Variants in LUM observed in about 807,000 individuals in gnomAD.
The protein encoded by LUM is lumican, also known as KSPG lumican.
LUM carries 13 observed loss-of-function variants against 20.5 expected under a neutral mutation model. That is an observed-to-expected ratio of 0.63 (90% CI 0.41 to 1.01). LUM has a LOEUF of 1.01. LUM is among the 50% of genes least tolerant of loss of function. LUM has a pLI of 0.00. For missense variants in LUM, 321 were observed against 391.1 expected, an observed-to-expected ratio of 0.82 and a Z score of 1.51; for synonymous variants, 173 against 151.5, an observed-to-expected ratio of 1.14 and a Z score of -1.04.
rs538147075 is a variant in LUM at position 91,102,834 on chromosome 12, C to T, written c.*1331G>A. ...CAATGATGATCCTCTGATGAAAGGC[C>T]GCTGTACCATAAGATAGAGTTCACT... On this transcript the variant is annotated 3_prime_UTR_variant, in exon 3 of 3. Coordinates refer to ENST00000266718, the MANE Select transcript of LUM (RefSeq NM_002345.4). 2.0e-5 allele frequency: 3 copies of T among 152,092 alleles called. No individual in the cohort carries two copies. Among genetic ancestry groups the T allele is most frequent in the South Asian group, 2.1e-4 (1 of 4,818 alleles). The allele number at this position is 152,092 out of a possible 1,614,324, so 9.4% of individuals were successfully genotyped here.
At chr12:91,106,135 G>A (rs551937239) in intron 2 of LUM, among the ~76,000 whole-genome samples, 2 of 152,134 alleles carry the variant, frequency 1.3e-5, no homozygotes, top group Admixed American at 6.5e-5. Context: ...AAGAACATGT[G>A]GAGCTTCAGA....
intron 1 of LUM, among the ~76,000 whole-genome samples, chr12:91,109,933 T>C (rs1880165659): frequency 6.6e-6 from 1 of 152,176 alleles, no homozygotes; most frequent in Admixed American, 6.6e-5. Flanking sequence ...GTGTGATGTT[T>C]TTAAAGTTTG....
At chr12:91,109,519 G>A (rs1173816199) in intron 1 of LUM, among the ~76,000 whole-genome samples, 1 of 152,100 alleles carries the variant, frequency 6.6e-6, no homozygotes. Context: ...TCCTTTAAAA[G>A]TGTCTGGTTA....
rs757453748 is a variant in LUM at position 91,108,600 on chromosome 12, T to C, written c.380A>G (p.Asn127Ser). 1 of 1,612,932 alleles carries C rather than the reference T, an allele frequency of 6.2e-7. No individual in the cohort carries two copies. The highest frequency in any genetic ancestry group is 8.5e-7 in the Non-Finnish European group (1 of 1,179,458). Residue 127 changes from asparagine to serine, a missense_variant, in exon 2 of 3, where the codon AAC (asparagine) becomes AGC (serine). Physicochemically the swap from Asn to Ser is conservative, Grantham distance 46. Coordinates refer to ENST00000266718, the MANE Select transcript of LUM (RefSeq NM_002345.4). The surrounding 1 kb of genome is among the most constrained non-coding windows in gnomAD (Gnocchi z 4.2). ...QLKKLHINHNNLTESVGPLPK... is the reference protein window; with the variant it reads ...QLKKLHINHNSLTESVGPLPK... ...AAGTGGGCCCACAGACTCTGTCAGG[T>C]TGTTGTGGTTTATATGCAGCTTCTT...
rs1833120931 is a variant in LUM at position 91,104,291 on chromosome 12, G to A, written c.891C>T (p.Ile297=). ...EKFDIKSFCK[I]LGPLSYSKIK... The stretch of plus-strand genomic sequence containing the variant: ...TCTTGGAGTAGGATAATGGCCCCAG[G>A]ATCTTGCAGAAGCTCTTTATGTCAA... The change falls in exon 3 of 3, where the codon ATC becomes ATT. Residue 297 remains isoleucine, a synonymous_variant. Transcript: ENST00000266718. 1.2e-6 allele frequency: 2 copies of A among 1,612,090 alleles called. No homozygotes were observed. Among genetic ancestry groups the A allele is most frequent in the South Asian group, 1.1e-5 (1 of 90,638 alleles).
chr12:91,107,061 G>A (rs1323678930), intron 2 of LUM, among the ~76,000 whole-genome samples: 1 of 149,924 alleles, frequency 6.7e-6, no homozygotes. Flanking sequence ...TGGGAGAATC[G>A]CCTGAGCCTG....
chr12:91,102,764 C>T lies in LUM; in HGVS notation c.*1401G>A, dbSNP rs1432211324. On this transcript the variant is annotated 3_prime_UTR_variant, in exon 3 of 3. Coordinates refer to ENST00000266718, the MANE Select transcript of LUM (RefSeq NM_002345.4). Reference sequence around the variant, plus strand: ...ATGAAAATCAAAAATACACATTGTACCTAATGTAATATCCATCGCACATAT... The same window carrying T: ...ATGAAAATCAAAAATACACATTGTATCTAATGTAATATCCATCGCACATAT... 1 of 152,028 alleles carries T rather than the reference C, an allele frequency of 6.6e-6. No individual in the cohort carries two copies. Among genetic ancestry groups the T allele is most frequent in the African/African-American group, 2.4e-5 (1 of 41,438 alleles). The allele number at this position is 152,028 out of a possible 1,614,324, so 9.4% of individuals were successfully genotyped here.
chr12:91,106,650 T>C (rs1445544137), intron 2 of LUM, among the ~76,000 whole-genome samples: 1 of 111,756 alleles, frequency 8.9e-6, no homozygotes, highest in Non-Finnish European at 1.7e-5. Context: ...GGCAGGATTG[T>C]ACCCAAGAAA....
At chr12:91,105,821 C>G (rs1461312116) in intron 2 of LUM, among the ~76,000 whole-genome samples, 1 of 152,210 alleles carries the variant, frequency 6.6e-6, no homozygotes, top group Non-Finnish European at 1.5e-5. Context: ...TCAAATGTGC[C>G]TACTTCTGTA....
At chr12:91,109,189 T>C (rs1401782839) in intron 1 of LUM, among the ~76,000 whole-genome samples, 189 bp from the exon 2 acceptor site, 1 of 152,188 alleles carries the variant, frequency 6.6e-6, no homozygotes, top group Non-Finnish European at 1.5e-5. Flanking sequence ...TACAACTATG[T>C]AGTGAGCAGC....
At chr12:91,109,713 T>C (rs1565759235) in intron 1 of LUM, among the ~76,000 whole-genome samples, 1 of 152,230 alleles carries the variant, frequency 6.6e-6, no homozygotes, top group Non-Finnish European at 1.5e-5. Context: ...TGCTAATGTT[T>C]ATCAGGAAAA....
chr12:91,102,698 G>A lies in LUM; in HGVS notation c.*1467C>T, dbSNP rs889078688. 2.0e-5 allele frequency: 3 copies of A among 152,012 alleles called. No individual in the cohort carries two copies. Among genetic ancestry groups the A allele is most frequent in the Admixed American group, 6.6e-5 (1 of 15,226 alleles). The allele number at this position is 152,012 out of a possible 1,614,324, so 9.4% of individuals were successfully genotyped here. On this transcript the variant is annotated 3_prime_UTR_variant, in exon 3 of 3. Coordinates refer to ENST00000266718, the MANE Select transcript of LUM (RefSeq NM_002345.4). ...TTAAACCAACAAATAAACTGAGGCT[G>A]CTATCACACTCTAAGGAATTTACCT... is the stretch of plus-strand genomic sequence containing the variant.
rs1036291005 is a variant in LUM, at chr12:91,108,726, G to A, written c.254C>T (p.Ala85Val). ...CTGCAGATCAGTTACATTCTCAAAGGCCTTTTCATCAATATGGTCAATCTG... is the reference window on the plus strand; with the variant it reads ...CTGCAGATCAGTTACATTCTCAAAGACCTTTTCATCAATATGGTCAATCTG... ...NNQIDHIDEK[A>V]FENVTDLQWL... Residue 85 changes from alanine to valine, a missense_variant, in exon 2 of 3, where the codon GCC becomes GTC. Transcript: ENST00000266718. The surrounding 1 kb of genome is among the most constrained non-coding windows in gnomAD (Gnocchi z 4.2). 3.1e-6 allele frequency: 5 copies of A among 1,614,014 alleles called. No individual in the cohort carries two copies. Among genetic ancestry groups the A allele is most frequent in the Admixed American group, 1.7e-5 (1 of 60,002 alleles).
At chr12:91,111,140 TTAAC>T (rs1455067727) in intron 1 of LUM, among the ~76,000 whole-genome samples, 3 of 152,194 alleles carry the variant, frequency 2.0e-5, no homozygotes, top group Admixed American at 1.3e-4. Context: ...TGTGTCTACT[TTAAC>T]TATTTTCTCA....
intron 2 of LUM, among the ~76,000 whole-genome samples, chr12:91,106,159 G>T (rs1290604565): frequency 6.6e-6 from 1 of 152,132 alleles, no homozygotes; most frequent in Non-Finnish European, 1.5e-5. Context: ...GGCGAGTATG[G>T]TCTTCTTTAT....
intron 1 of LUM, among the ~76,000 whole-genome samples, chr12:91,110,407 C>T (rs539874730): frequency 5.5e-4 from 83 of 152,168 alleles, no homozygotes; most frequent in African/African-American, 1.9e-3. Flanking sequence ...ACTTTGATTG[C>T]TGACATAAGG....
At chr12:91,109,451 C>T (rs764370554) in intron 1 of LUM, among the ~76,000 whole-genome samples, 1 of 152,060 alleles carries the variant, frequency 6.6e-6, no homozygotes, top group Non-Finnish European at 1.5e-5. Flanking sequence ...AAGATCCTTA[C>T]GGGAATATGG....
At chr12:91,104,663 T>C (rs1879991116) in intron 2 of LUM, among the ~76,000 whole-genome samples, 1 of 152,160 alleles carries the variant, frequency 6.6e-6, no homozygotes, top group Admixed American at 6.5e-5. Flanking sequence ...TGAAGAAATA[T>C]AAATGGATCC....
rs1440782525 is a variant in LUM, at chr12:91,103,634, A to T, written c.*531T>A. On this transcript the variant is annotated 3_prime_UTR_variant, in exon 3 of 3. Coordinates refer to ENST00000266718, the MANE Select transcript of LUM (RefSeq NM_002345.4). ...GAGAAACATACATGACTTAGAGTGA[A>T]AAATAATTCTAGAAAAGTTTCACTA... 6.6e-6 allele frequency: 1 copy of T among 152,292 alleles called. No individual in the cohort carries two copies. The highest frequency in any genetic ancestry group is 2.4e-5 in the African/African-American group (1 of 41,460). The allele number at this position is 152,292 out of a possible 1,614,324, so 9.4% of individuals were successfully genotyped here.
Sources: gnomAD v4.1 joint callset for allele counts (sites outside exome capture counted in the v4.1 genomes callset) on GRCh38, gnomAD v4.1.1 for gene constraint, Gnocchi (gnomAD v3.1) non-coding constraint, MANE v1.5 for transcripts, NCBI Gene and HGNC (gene_info 2026-07-23, HGNC 2026-07-21) for gene names.